The following ADCY1 variants were observed in gnomAD, a reference collection of about 807,000 sequenced individuals.
The protein encoded by ADCY1 is adenylate cyclase 1.
A neutral mutation model predicts 105.4 loss-of-function variants in ADCY1; 28 were observed. The ratio of observed to expected loss-of-function variants is 0.27; its 90% CI spans 0.20 to 0.36. The LOEUF (loss-of-function observed/expected upper bound fraction) is 0.36. ADCY1 is among the 10% of genes least tolerant of loss of function. The pLI is 1.00. For synonymous variants in ADCY1, 655 were observed against 623.8 expected (o/e 1.05, Z -0.75); for missense variants, 977 against 1,434.2 (o/e 0.68, Z 5.15).
rs1049525726 is a variant in ADCY1 at position 45,591,243 on chromosome 7, C to T, written c.640-1516C>T. 6.6e-6 allele frequency among the ~76,000 whole-genome samples: 1 copy of T among 152,188 alleles called. No individual in the cohort carries two copies. Among genetic ancestry groups the T allele is most frequent in the Non-Finnish European group, 1.5e-5 (1 of 68,024 alleles). ...CTCAGCTCTCCTACCTGCTCCTCAGCCCCAGCATCCAGTAGGTGGCCAGGA... is the reference window on the plus strand; with the variant it reads ...CTCAGCTCTCCTACCTGCTCCTCAGTCCCAGCATCCAGTAGGTGGCCAGGA... On this transcript the variant is annotated intron_variant, in intron 1 of 19. Coordinates refer to ENST00000297323, the MANE Select transcript of ADCY1 (RefSeq NM_021116.4). This position sits in a 1 kb window ranked among gnomAD's most constrained non-coding sequence, Gnocchi z 4.1.
intron 4 of ADCY1, among the ~76,000 whole-genome samples, chr7:45,639,630 C>A (rs1299832641): frequency 2.0e-5 from 3 of 152,218 alleles, no homozygotes; most frequent in South Asian, 4.1e-4. Flanking sequence ...AACTCCAAGA[C>A]CCTTCTGGGA....
chr7:45,632,527 AC>A (rs773281798), intron 4 of ADCY1, among the ~76,000 whole-genome samples: 1 of 122,368 alleles, frequency 8.2e-6, no homozygotes, highest in East Asian at 2.1e-4. Flanking sequence ...AAAATTCTAT[AC>A]ATTTCTCAGA....
At chr7:45,619,544 TACAC>T (rs914360017) in intron 3 of ADCY1, among the ~76,000 whole-genome samples, 1 of 152,188 alleles carries the variant, frequency 6.6e-6, no homozygotes, top group African/African-American at 2.4e-5. Flanking sequence ...TTATACAACA[TACAC>T]ACACACATAT....
intron 4 of ADCY1, among the ~76,000 whole-genome samples, chr7:45,634,155 A>G (rs577874614): frequency 1.4e-4 from 22 of 152,176 alleles, no homozygotes; most frequent in Non-Finnish European, 2.6e-4. Flanking sequence ...CGTTTTCTAC[A>G]TAAATCATCA....
chr7:45,664,610 T>C (rs1368349261), intron 8 of ADCY1: 1 of 955,098 alleles, frequency 1.0e-6, no homozygotes, highest in Admixed American at 3.4e-5. Context: ...ATGAACATTT[T>C]GTTCCTTCCA....
rs1168200261 is a variant in ADCY1 at position 45,710,128 on chromosome 7, G to A, written c.2933-400G>A. ...GAGCTGCTATTTTTCTGGAAGAGAG[G>A]ATGCACTTGGAGACATACCCTGTAA... On this transcript the variant is annotated intron_variant, in intron 18 of 19. Transcript: ENST00000297323. The surrounding 1 kb of genome is among the most constrained non-coding windows in gnomAD (Gnocchi z 4.7). Among the ~76,000 whole-genome samples, 1 of 152,208 alleles carries A rather than the reference G, an allele frequency of 6.6e-6. No individual in the cohort carries two copies. The highest frequency in any genetic ancestry group is 1.9e-4 in the East Asian group (1 of 5,200).
rs555257279 is a variant in ADCY1 at position 45,694,971 on chromosome 7, G to A, written c.2454+8298G>A. 5.9e-5 allele frequency among the ~76,000 whole-genome samples: 9 copies of A among 152,314 alleles called. No individual in the cohort carries two copies. In the East Asian group the frequency reaches 1.7e-3, roughly 29 times the overall value. On this transcript the variant is annotated intron_variant, in intron 14 of 19. Transcript: ENST00000297323. Reference sequence around the variant, plus strand: ...CTAATCAGTACTCAACTAGAGACTTGAAGAGACCAGAACACTGTGTCCTCT... The same window carrying A: ...CTAATCAGTACTCAACTAGAGACTTAAAGAGACCAGAACACTGTGTCCTCT...
At chr7:45,646,553 C>A (rs1794670096) in intron 4 of ADCY1, among the ~76,000 whole-genome samples, 1 of 152,220 alleles carries the variant, frequency 6.6e-6, no homozygotes, top group South Asian at 2.1e-4. Context: ...CATCACTGGT[C>A]CTCCAAGCAG....
chr7:45,691,794 G>T (rs1784790730), intron 14 of ADCY1, among the ~76,000 whole-genome samples: 1 of 152,202 alleles, frequency 6.6e-6, no homozygotes. Flanking sequence ...CTAAGATGTG[G>T]TCATGGCATA....
chr7:45,694,897 C>A (rs2461123), intron 14 of ADCY1, among the ~76,000 whole-genome samples: 55,059 of 152,180 alleles, frequency 0.36, 11,611 homozygotes, highest in South Asian at 0.61. Flanking sequence ...CCCTACAGTC[C>A]TTTGCCTAAC....
Position 45,647,621 on chromosome 7 carries a change from G to C in ADCY1, c.1021-1049G>C, listed in dbSNP as rs946996101. Among the ~76,000 whole-genome samples the C allele has an allele frequency of 6.6e-6, 1 of 152,156 alleles. No individual in the cohort carries two copies. Among genetic ancestry groups the C allele is most frequent in the Non-Finnish European group, 1.5e-5 (1 of 68,036 alleles). ...TCTGCAGAGATAGCACAGCACGAAG[G>C]CTGGATGCAGAAGTGGGTCACAGAA... On this transcript the variant is annotated intron_variant, in intron 4 of 19. Coordinates refer to ENST00000297323, the MANE Select transcript of ADCY1 (RefSeq NM_021116.4). The surrounding 1 kb of genome is among the most constrained non-coding windows in gnomAD (Gnocchi z 4.6).
rs1013802660 is a variant in ADCY1 at position 45,715,655 on chromosome 7, A to C, written c.*1660A>C. The stretch of plus-strand genomic sequence containing the variant: ...CTGATCCTGCCTCAGCTGTGTGGCC[A>C]TGTGGGGGCAGCAGGGGCCTGGGCC... On this transcript the variant is annotated 3_prime_UTR_variant, in exon 20 of 20. Transcript: ENST00000297323. 1 of 152,584 alleles carries C rather than the reference A, an allele frequency of 6.6e-6. No individual in the cohort carries two copies. The highest frequency in any genetic ancestry group is 1.5e-5 in the Non-Finnish European group (1 of 68,380). The allele number at this position is 152,584 out of a possible 1,614,324, so 9.5% of individuals were successfully genotyped here. A position where few individuals can be genotyped will look rare whatever the true frequency, so the allele number is the denominator to read the frequency against.
rs566635140 is a variant in ADCY1, at chr7:45,710,257, G to A, written c.2933-271G>A. Among the ~76,000 whole-genome samples the A allele has an allele frequency of 1.2e-4, 18 of 152,280 alleles. No homozygotes were observed. Among genetic ancestry groups the A allele is most frequent in the African/African-American group, 4.1e-4 (17 of 41,554 alleles). ...GGACTTTTATTTAGGATCAGGACTCGTTTTGAACAGCCAGTGCTGTTCCCC... is the reference window on the plus strand; with the variant it reads ...GGACTTTTATTTAGGATCAGGACTCATTTTGAACAGCCAGTGCTGTTCCCC... On this transcript the variant is annotated intron_variant, in intron 18 of 19. Coordinates refer to ENST00000297323, the MANE Select transcript of ADCY1 (RefSeq NM_021116.4). This position sits in a 1 kb window ranked among gnomAD's most constrained non-coding sequence, Gnocchi z 4.7.
At chr7:45,590,200 C>A (rs1438917528) in intron 1 of ADCY1, among the ~76,000 whole-genome samples, 1 of 152,174 alleles carries the variant, frequency 6.6e-6, no homozygotes, top group Admixed American at 6.5e-5. Context: ...ACTGACCCGC[C>A]AGCTGTGCTA....
At chr7:45,616,942 C>T (rs1030799952) in intron 3 of ADCY1, among the ~76,000 whole-genome samples, 1 of 152,226 alleles carries the variant, frequency 6.6e-6, no homozygotes, top group Non-Finnish European at 1.5e-5. Context: ...AGCCCACTTT[C>T]CCACTGGAGA....
intron 2 of ADCY1, among the ~76,000 whole-genome samples, chr7:45,598,454 A>G (rs1781947041): frequency 6.6e-6 from 1 of 152,358 alleles, no homozygotes; most frequent in East Asian, 1.9e-4. Flanking sequence ...AAAAGCATTA[A>G]AGAGACTGAT....
At chr7:45,684,764 A>G (rs2116206197) in intron 11 of ADCY1, 2 of 452,744 alleles carry the variant, frequency 4.4e-6, no homozygotes, top group Admixed American at 7.2e-5. Flanking sequence ...TGTAATTTAA[A>G]GACTTCAGGT....
intron 11 of ADCY1, among the ~76,000 whole-genome samples, chr7:45,683,276 T>C (rs949010233): frequency 3.3e-5 from 5 of 152,192 alleles, no homozygotes; most frequent in Admixed American, 1.3e-4. Flanking sequence ...CAACCATGTC[T>C]TTCCCAACTC....
In ADCY1 at chr7:45,574,557, C is replaced by G. The variant is rs1792261310; in HGVS notation, c.14C>G (p.Pro5Arg). ...CATGGCGCTGAGATGGCGGGGGCGC[C>G]GCGCGGCGGAGGCGGCGGCGGAGGC... The part of the protein sequence containing the change: MAGA[P>R]RGGGGGGGGA... The change falls in exon 1 of 20, where the codon CCG becomes CGG. Residue 5 changes from proline (P) to arginine (R), a missense_variant. Around this residue, in one of 7 missense-constraint regions of ADCY1, gnomAD observed 209 missense variants for 222.5 expected, o/e 0.94. Transcript: ENST00000297323. This position sits in a 1 kb window ranked among gnomAD's most constrained non-coding sequence, Gnocchi z 7.0. The G allele has an allele frequency of 1.0e-6, 1 of 977,518 alleles. No homozygotes were observed. The highest frequency in any genetic ancestry group is 1.2e-6 in the Non-Finnish European group (1 of 827,008). The allele number at this position is 977,518 out of a possible 1,614,324, so 60.6% of individuals were successfully genotyped here. A position where few individuals can be genotyped will look rare whatever the true frequency, so the allele number is the denominator to read the frequency against.
Sources: gnomAD v4.1 joint callset for allele counts (sites outside exome capture counted in the v4.1 genomes callset) on GRCh38, gnomAD v4.1.1 for gene constraint, gnomAD v4.1.1 regional missense constraint, Gnocchi (gnomAD v3.1) non-coding constraint, MANE v1.5 for transcripts, NCBI Gene and HGNC (gene_info 2026-07-23, HGNC 2026-07-21) for gene names.